TMEM132B: variants seen among roughly 807,000 people sequenced by gnomAD.
The protein encoded by TMEM132B is transmembrane protein 132B.
TMEM132B carries 18 observed loss-of-function variants against 90.8 expected under a neutral mutation model. That is an observed-to-expected ratio of 0.20 (90% CI 0.14 to 0.29). TMEM132B has a LOEUF of 0.29. TMEM132B is among the 10% of genes least tolerant of loss of function. TMEM132B has a pLI of 1.00. For missense variants in TMEM132B, 1,096 were observed against 1,326.8 expected, an observed-to-expected ratio of 0.83 and a Z score of 2.70; for synonymous variants, 504 against 523.3, an observed-to-expected ratio of 0.96 and a Z score of 0.50.
chr12:125,434,496 G>A (rs991448222), intron 3 of TMEM132B, among the ~76,000 whole-genome samples: 1 of 137,242 alleles, frequency 7.3e-6, no homozygotes, highest in Non-Finnish European at 1.5e-5. Context: ...CCCTTGGGAG[G>A]CCATGGTGGG....
chr12:125,470,317 G>A (rs991976337), intron 3 of TMEM132B, among the ~76,000 whole-genome samples: 1 of 152,208 alleles, frequency 6.6e-6, no homozygotes, highest in African/African-American at 2.4e-5. Context: ...CTCTGGCCCA[G>A]GAAAGACTTG....
chr12:125,264,108 C>T (rs748339724), intron 1 of TMEM132B, among the ~76,000 whole-genome samples: 1 of 152,118 alleles, frequency 6.6e-6, no homozygotes, highest in Non-Finnish European at 1.5e-5. Flanking sequence ...TTGCTTTTTC[C>T]AGCTTCTAGA....
At chr12:125,412,854 T>C (rs1879892070) in intron 2 of TMEM132B, among the ~76,000 whole-genome samples, 1 of 152,122 alleles carries the variant, frequency 6.6e-6, no homozygotes, top group South Asian at 2.1e-4. Flanking sequence ...AATTAATTCC[T>C]GGAACATCAT....
chr12:125,562,043 G>A (rs77772431), intron 4 of TMEM132B, among the ~76,000 whole-genome samples: 2,877 of 152,306 alleles, frequency 0.019, 31 homozygotes, highest in Non-Finnish European at 0.03. Context: ...AAGATCTGTT[G>A]TTTAAGTATA....
At chr12:125,626,933 A>C (rs374106113) in intron 5 of TMEM132B, among the ~76,000 whole-genome samples, 5 of 152,174 alleles carry the variant, frequency 3.3e-5, no homozygotes, top group African/African-American at 9.6e-5. Context: ...TTACATGTAC[A>C]TTAGACCATT....
intron 1 of TMEM132B, among the ~76,000 whole-genome samples, chr12:125,286,972 G>C (rs1006929531): frequency 1.3e-5 from 2 of 151,424 alleles, no homozygotes; most frequent in Non-Finnish European, 2.9e-5. Context: ...CTAAGTGCTG[G>C]GATTACAGGC....
intron 1 of TMEM132B, among the ~76,000 whole-genome samples, chr12:125,190,245 C>T (rs1477121967): frequency 2.0e-5 from 3 of 152,196 alleles, no homozygotes; most frequent in Non-Finnish European, 4.4e-5. Context: ...GGAGTTCTAC[C>T]ATACAGTCCT....
At chr12:125,544,456 CATGGAACTGTGGG>C (rs1266639572) in intron 4 of TMEM132B, among the ~76,000 whole-genome samples, 1 of 152,154 alleles carries the variant, frequency 6.6e-6, no homozygotes, top group Non-Finnish European at 1.5e-5. Context: ...GCTCTTCATC[CATGGAACTGTGGG>C]ATGGGTTCAG....
chr12:125,596,513 G>A (rs1011354541), intron 5 of TMEM132B, among the ~76,000 whole-genome samples: 4 of 152,168 alleles, frequency 2.6e-5, no homozygotes, highest in Admixed American at 2.0e-4. Context: ...AAAAATCTTA[G>A]CTCTTAAATC....
intron 2 of TMEM132B, among the ~76,000 whole-genome samples, chr12:125,398,295 A>G (rs1879220935): frequency 6.6e-6 from 1 of 152,132 alleles, no homozygotes; most frequent in Non-Finnish European, 1.5e-5. Context: ...ATTTTTATAT[A>G]TGTGCCTTCT....
intron 1 of TMEM132B, among the ~76,000 whole-genome samples, chr12:125,236,322 T>C (rs1290045238): frequency 6.8e-6 from 1 of 146,534 alleles, no homozygotes; most frequent in East Asian, 2.0e-4. Flanking sequence ...TTTTTTTTTG[T>C]TTTTTTTGTT....
intron 1 of TMEM132B, among the ~76,000 whole-genome samples, chr12:125,298,335 C>A (rs1348766096): frequency 7.1e-6 from 1 of 139,928 alleles, no homozygotes; most frequent in Non-Finnish European, 1.5e-5. Flanking sequence ...CACCCAGCAG[C>A]TACTGCCAGT....
At chr12:125,399,473 GTGTGTGTGTAT>G (rs1879252240) in intron 2 of TMEM132B, among the ~76,000 whole-genome samples, 1 of 84,262 alleles carries the variant, frequency 1.2e-5, no homozygotes, top group Admixed American at 1.4e-4. Context: ...GTGTGTGTGT[GTGTGTGTGTAT>G]GTGTGTGTGT....
At chr12:125,354,352 A>G (rs1192290541) in intron 2 of TMEM132B, among the ~76,000 whole-genome samples, 2 of 152,188 alleles carry the variant, frequency 1.3e-5, no homozygotes, top group East Asian at 3.8e-4. Flanking sequence ...AACAACTGGG[A>G]GATTTTATAT....
At position 125,285,620 on chromosome 12, in the gene TMEM132B, A is replaced by G. The variant is rs140439786; in HGVS notation, c.68-63832A>G. 5.6e-4 allele frequency among the ~76,000 whole-genome samples: 86 copies of G among 152,344 alleles called. 1 individual carries two copies. The East Asian group carries it at 0.016, about 29-fold the overall frequency. On this transcript the variant is annotated intron_variant, in intron 1 of 8. Transcript: ENST00000682704. Reference sequence around the variant, plus strand: ...AAGTGAGTCAGACCCAGTGTTCACCAGGTGAGGCCACCTGGGCACAGGTGG... The same window carrying G: ...AAGTGAGTCAGACCCAGTGTTCACCGGGTGAGGCCACCTGGGCACAGGTGG...
Position 125,407,649 on chromosome 12 carries a change from C to T in TMEM132B, c.960-7882C>T, listed in dbSNP as rs1879540043. Among the ~76,000 whole-genome samples the T allele has an allele frequency of 6.6e-6, 1 of 152,218 alleles. No homozygotes were observed. Among genetic ancestry groups the T allele is most frequent in the South Asian group, 2.1e-4 (1 of 4,830 alleles). On this transcript the variant is annotated intron_variant, in intron 2 of 8. Transcript: ENST00000682704. This position sits in a 1 kb window ranked among gnomAD's most constrained non-coding sequence, Gnocchi z 6.7. ...TGCTCATCTGGACTCAGACTCTTTCCAGCATCCAGTCCTCCATCACAGACA... is the reference window on the plus strand; with the variant it reads ...TGCTCATCTGGACTCAGACTCTTTCTAGCATCCAGTCCTCCATCACAGACA...
At chr12:125,643,025 G>C (rs970536195) in intron 5 of TMEM132B, among the ~76,000 whole-genome samples, 4 of 152,194 alleles carry the variant, frequency 2.6e-5, no homozygotes, top group Non-Finnish European at 5.9e-5. Flanking sequence ...GGGCACTTCT[G>C]ACATTGTTCT....
intron 2 of TMEM132B, among the ~76,000 whole-genome samples, chr12:125,404,814 AG>A (rs1163600755): frequency 1.3e-5 from 2 of 152,158 alleles, no homozygotes; most frequent in Non-Finnish European, 2.9e-5. Context: ...CAGCTCTGCT[AG>A]GGAGGGAGGA....
intron 1 of TMEM132B, among the ~76,000 whole-genome samples, chr12:125,193,553 T>C (rs1279589019): frequency 1.3e-5 from 2 of 152,208 alleles, no homozygotes; most frequent in Non-Finnish European, 2.9e-5. Context: ...GACTGTGCGA[T>C]CCAGGAAGAC....
Sources: gnomAD v4.1 joint callset for allele counts (sites outside exome capture counted in the v4.1 genomes callset) on GRCh38, gnomAD v4.1.1 for gene constraint, Gnocchi (gnomAD v3.1) non-coding constraint, MANE v1.5 for transcripts, NCBI Gene and HGNC (gene_info 2026-07-23, HGNC 2026-07-21) for gene names.